Variants in NTRK2 observed in about 807,000 individuals in gnomAD.
NTRK2 encodes the protein neurotrophic receptor tyrosine kinase 2.
A neutral mutation model predicts 94.5 loss-of-function variants in NTRK2; 13 were observed. The ratio of observed to expected loss-of-function variants is 0.14; its 90% CI spans 0.09 to 0.22. NTRK2 has a LOEUF of 0.22. NTRK2 is among the 10% of genes least tolerant of loss of function. The pLI is 1.00. For synonymous variants in NTRK2, 372 were observed against 407.4 expected, an observed-to-expected ratio of 0.91 and a Z score of 1.05; for missense variants, 639 against 1,071.2, an observed-to-expected ratio of 0.60 and a Z score of 5.63.
At chr9:84,812,697 A>C in intron 12 of NTRK2, 1 of 1,042,582 alleles carries the variant, frequency 9.6e-7, no homozygotes, top group Admixed American at 5.6e-5. Context: ...TTTATGTTAT[A>C]CCATGGAGCC....
At chr9:84,694,480 G>C (rs890170894) in intron 2 of NTRK2, among the ~76,000 whole-genome samples, 7 of 152,128 alleles carry the variant, frequency 4.6e-5, no homozygotes, top group Admixed American at 3.9e-4. Flanking sequence ...TTCCATTCAC[G>C]TCCTCACAGT....
At chr9:84,983,276 T>A (rs1827875286) in intron 17 of NTRK2, among the ~76,000 whole-genome samples, 1 of 152,272 alleles carries the variant, frequency 6.6e-6, no homozygotes, top group African/African-American at 2.4e-5. Context: ...AGGTGAGGCA[T>A]ACAACCACTT....
chr9:84,926,140 TCC>T (rs2132636508), intron 14 of NTRK2, among the ~76,000 whole-genome samples: 4 of 72,306 alleles, frequency 5.5e-5, no homozygotes, highest in East Asian at 3.5e-4. Context: ...CTTCCTTCCT[TCC>T]TTCCTTCCTT....
intron 12 of NTRK2, among the ~76,000 whole-genome samples, chr9:84,760,050 T>C (rs2065414652): frequency 1.3e-5 from 2 of 152,226 alleles, no homozygotes; most frequent in South Asian, 4.1e-4. Context: ...GTTTGAATAA[T>C]GCACATCCTT....
intron 9 of NTRK2, among the ~76,000 whole-genome samples, chr9:84,739,195 C>T (rs2063463102): frequency 6.6e-6 from 1 of 152,044 alleles, no homozygotes; most frequent in Non-Finnish European, 1.5e-5. Flanking sequence ...GGACTACAGG[C>T]ATGCACCACC....
At chr9:84,894,368 G>A (rs1471576689) in intron 14 of NTRK2, among the ~76,000 whole-genome samples, 4 of 152,154 alleles carry the variant, frequency 2.6e-5, no homozygotes, top group South Asian at 4.1e-4. Context: ...AGCTTTGTGC[G>A]TTATTGGGAC....
At chr9:84,853,301 G>C (rs760910342) in intron 12 of NTRK2, among the ~76,000 whole-genome samples, 1 of 152,124 alleles carries the variant, frequency 6.6e-6, no homozygotes, top group Non-Finnish European at 1.5e-5. Context: ...CCATGAAGGG[G>C]GAAGTGGCTC....
intron 10 of NTRK2, among the ~76,000 whole-genome samples, chr9:84,742,340 AG>A (rs2063710580): frequency 6.6e-6 from 1 of 152,194 alleles, no homozygotes; most frequent in Non-Finnish European, 1.5e-5. Flanking sequence ...GGAACCTCAA[AG>A]GTAGGGCTTG....
intron 14 of NTRK2, chr9:84,873,232 A>G (rs199979243): frequency 1.9e-6 from 2 of 1,061,008 alleles, no homozygotes; most frequent in South Asian, 4.6e-5. Flanking sequence ...TCAAAAATAT[A>G]TTTTCTCCTA....
chr9:84,691,445 G>C (rs2060043529), intron 2 of NTRK2, among the ~76,000 whole-genome samples: 1 of 152,136 alleles, frequency 6.6e-6, no homozygotes, highest in Admixed American at 6.6e-5. Flanking sequence ...ACCAGGCTTT[G>C]ATGGAAACTG....
intron 9 of NTRK2, among the ~76,000 whole-genome samples, chr9:84,729,293 A>G (rs1208597068): frequency 6.6e-6 from 1 of 152,264 alleles, no homozygotes; most frequent in Non-Finnish European, 1.5e-5. Context: ...TATAAACAGT[A>G]GCCCTTCAGG....
chr9:84,936,527 T>C (rs2078218051), intron 15 of NTRK2, among the ~76,000 whole-genome samples: 1 of 152,178 alleles, frequency 6.6e-6, no homozygotes, highest in South Asian at 2.1e-4. Context: ...CTCTCTAGTT[T>C]ATATCCCAAT....
rs557800916 is a variant in NTRK2 at position 84,683,726 on chromosome 9, A to T, written c.212+12766A>T. Among the ~76,000 whole-genome samples, 9 of 152,304 alleles carry T rather than the reference A, an allele frequency of 5.9e-5. No homozygotes were observed. The South Asian group carries it at 1.9e-3, about 32-fold the overall frequency. On this transcript the variant is annotated intron_variant, in intron 2 of 18. Transcript: ENST00000277120. ...ACCCTTTAATGGGATTGCTGGGTCA[A>T]ATGGTATTTCTGAGACTAGATCCTT...
intron 16 of NTRK2, 75 bp downstream of exon 16, chr9:84,948,709 G>A (rs2132890695): frequency 7.3e-7 from 1 of 1,371,702 alleles, no homozygotes; most frequent in Middle Eastern, 1.9e-4. Context: ...TTCATGGGAG[G>A]GAACAAGGGA....
chr9:84,845,079 A>G (rs896987449), intron 12 of NTRK2, among the ~76,000 whole-genome samples: 1 of 152,198 alleles, frequency 6.6e-6, no homozygotes, highest in African/African-American at 2.4e-5. Context: ...AAGTAGAACT[A>G]CCATTCGATC....
In NTRK2 at chr9:84,769,761, T is replaced by C. The variant is rs566928374; in HGVS notation, c.1396+17676T>C. Among the ~76,000 whole-genome samples the C allele has an allele frequency of 3.4e-3, 519 of 152,330 alleles. 2 individuals are homozygous for C. The highest frequency in any genetic ancestry group is 0.012 in the African/African-American group (492 of 41,584). On this transcript the variant is annotated intron_variant, in intron 12 of 18. Coordinates refer to ENST00000277120, the MANE Select transcript of NTRK2 (RefSeq NM_006180.6). ...AGCAGAAAACCACAACAGTAGTGGG[T>C]TGAGGAGCTCATTTTTTGATGCCTG...
intron 12 of NTRK2, among the ~76,000 whole-genome samples, chr9:84,754,343 A>T (rs1249117030): frequency 1.3e-5 from 2 of 152,018 alleles, no homozygotes; most frequent in African/African-American, 4.8e-5. Context: ...ATTTTAAGCT[A>T]CATGTCTATC....
intron 17 of NTRK2, among the ~76,000 whole-genome samples, chr9:85,008,401 A>G (rs1339969029): frequency 6.6e-6 from 1 of 151,660 alleles, no homozygotes; most frequent in Non-Finnish European, 1.5e-5. Context: ...AAAAACCGCA[A>G]TTACTTTTGC....
chr9:84,961,276 C>T (rs1351216688), intron 17 of NTRK2, among the ~76,000 whole-genome samples: 3 of 152,180 alleles, frequency 2.0e-5, no homozygotes, highest in Non-Finnish European at 4.4e-5. Flanking sequence ...TTTCTCATCA[C>T]TATATAATAC....
Sources: allele counts gnomAD v4.1 joint callset (sites outside exome capture counted in the v4.1 genomes callset), GRCh38; gene constraint gnomAD v4.1.1; transcripts MANE v1.5; gene names NCBI Gene and HGNC (gene_info 2026-07-23, HGNC 2026-07-21).